SPAG16: variants seen among roughly 807,000 people sequenced by gnomAD.
SPAG16 encodes the protein sperm-associated antigen 16 protein.
In SPAG16, 86 loss-of-function variants were observed where a neutral mutation model predicts 80.4. The ratio of observed to expected loss-of-function variants is 1.07; its 90% CI spans 0.90 to 1.28. The LOEUF is 1.28. Ranked by LOEUF, SPAG16 falls within the 50% of genes most tolerant of loss-of-function variation. The pLI is 0.00. For missense variants in SPAG16, 870 were observed against 765.3 expected (o/e 1.14, Z -1.61); for synonymous variants, 294 against 265.9 (o/e 1.11, Z -1.03).
At chr2:214,034,519 C>T (rs921587076) in intron 13 of SPAG16, among the ~76,000 whole-genome samples, 2 of 152,200 alleles carry the variant, frequency 1.3e-5, no homozygotes, top group African/African-American at 2.4e-5. Context: ...GATTGCATGC[C>T]TGCCAAGGGC....
intron 3 of SPAG16, among the ~76,000 whole-genome samples, chr2:213,307,860 T>C (rs1175502074): frequency 6.6e-6 from 1 of 152,188 alleles, no homozygotes; most frequent in African/African-American, 2.4e-5. Flanking sequence ...GTTTCCTGAC[T>C]TTTTAATGAT....
At chr2:213,948,175 G>A (rs1026243459) in intron 12 of SPAG16, among the ~76,000 whole-genome samples, 4 of 152,012 alleles carry the variant, frequency 2.6e-5, no homozygotes, top group East Asian at 1.9e-4. Context: ...GGAGACTATC[G>A]TTTCCTAAGA....
chr2:213,444,602 A>T (rs1468228875), intron 9 of SPAG16, among the ~76,000 whole-genome samples: 3 of 152,192 alleles, frequency 2.0e-5, no homozygotes, highest in Non-Finnish European at 4.4e-5. Flanking sequence ...AACAATGTTG[A>T]TTCATCTAAT....
At chr2:213,860,685 G>T (rs1053976225) in intron 10 of SPAG16, among the ~76,000 whole-genome samples, 23 of 151,958 alleles carry the variant, frequency 1.5e-4, no homozygotes, top group African/African-American at 5.6e-4. Flanking sequence ...TTAGCTATCA[G>T]TGGGTTTGTA....
chr2:213,874,301 A>G (rs958076104), intron 11 of SPAG16, among the ~76,000 whole-genome samples: 3 of 152,184 alleles, frequency 2.0e-5, no homozygotes, highest in Non-Finnish European at 4.4e-5. Context: ...TTACTTTATA[A>G]ACTATTTAAT....
chr2:214,010,872 G>A (rs960001786), intron 12 of SPAG16, among the ~76,000 whole-genome samples: 1 of 145,798 alleles, frequency 6.9e-6, no homozygotes, highest in Admixed American at 6.7e-5. Context: ...TCAGAGGTGA[G>A]TAAAAAGAAA....
intron 13 of SPAG16, among the ~76,000 whole-genome samples, chr2:214,031,014 T>A (rs919746310): frequency 6.6e-6 from 1 of 152,192 alleles, no homozygotes; most frequent in Non-Finnish European, 1.5e-5. Context: ...GTTCTCACTT[T>A]GCTATAAAGA....
intron 10 of SPAG16, among the ~76,000 whole-genome samples, chr2:213,740,311 A>G (rs1356021819): frequency 2.6e-5 from 4 of 152,196 alleles, no homozygotes; most frequent in African/African-American, 9.7e-5. Context: ...TCTGAGGTAG[A>G]CACTTCATTA....
intron 10 of SPAG16, among the ~76,000 whole-genome samples, chr2:213,858,436 AT>A (rs2075271727): frequency 6.6e-6 from 1 of 152,146 alleles, no homozygotes; most frequent in South Asian, 2.1e-4. Context: ...GATCAGCCCC[AT>A]TTTTTAGCAA....
chr2:213,735,155 C>T (rs150925910), intron 10 of SPAG16, among the ~76,000 whole-genome samples: 2 of 152,076 alleles, frequency 1.3e-5, no homozygotes, highest in Non-Finnish European at 2.9e-5. Flanking sequence ...AATGCATGCC[C>T]TATTTGATTA....
At chr2:213,980,234 C>CTA (rs1344581882) in intron 12 of SPAG16, among the ~76,000 whole-genome samples, 2 of 90,280 alleles carry the variant, frequency 2.2e-5, no homozygotes, top group African/African-American at 1.4e-4. Context: ...TATATATATT[C>CTA]TCTATATATA....
chr2:214,120,921 A>C (rs771193983), intron 14 of SPAG16, among the ~76,000 whole-genome samples: 2 of 151,858 alleles, frequency 1.3e-5, no homozygotes, highest in Non-Finnish European at 2.9e-5. Context: ...CTGATATCTC[A>C]TTAAAATATG....
intron 15 of SPAG16, among the ~76,000 whole-genome samples, chr2:214,249,749 CA>C (rs1445971981): frequency 6.7e-6 from 1 of 148,938 alleles, no homozygotes; most frequent in East Asian, 2.0e-4. Flanking sequence ...AAGTTTAGTT[CA>C]AAGATTTAAA....
chr2:213,525,712 A>T (rs186528254), intron 10 of SPAG16, among the ~76,000 whole-genome samples: 24 of 152,138 alleles, frequency 1.6e-4, no homozygotes, highest in Non-Finnish European at 2.9e-4. Flanking sequence ...TTTCTACATC[A>T]CTTCTTCTCC....
chr2:213,594,206 A>G (rs956349256), intron 10 of SPAG16, among the ~76,000 whole-genome samples: 3 of 152,194 alleles, frequency 2.0e-5, no homozygotes, highest in African/African-American at 4.8e-5. Flanking sequence ...CACAGATTTT[A>G]GGAGTCTTTT....
intron 12 of SPAG16, among the ~76,000 whole-genome samples, chr2:213,973,888 T>A (rs2045218196): frequency 6.6e-6 from 1 of 152,112 alleles, no homozygotes; most frequent in Admixed American, 6.6e-5. Flanking sequence ...CACAAAGTAC[T>A]GTAGGACGTA....
intron 15 of SPAG16, among the ~76,000 whole-genome samples, chr2:214,272,451 C>T (rs978160000): frequency 6.6e-6 from 1 of 152,124 alleles, no homozygotes; most frequent in Non-Finnish European, 1.5e-5. Context: ...CCCCTGCCCC[C>T]CAACCCACAA....
At chr2:214,122,120 A>G (rs773794188) in intron 14 of SPAG16, among the ~76,000 whole-genome samples, 3 of 151,778 alleles carry the variant, frequency 2.0e-5, no homozygotes, top group Admixed American at 1.3e-4. Context: ...TTAATTTTCT[A>G]TAACATAATA....
At chr2:214,038,384 T>G (rs2048821696) in intron 13 of SPAG16, among the ~76,000 whole-genome samples, 1 of 152,180 alleles carries the variant, frequency 6.6e-6, no homozygotes, top group Non-Finnish European at 1.5e-5. Flanking sequence ...TTATTTCTAC[T>G]TTGTCAGAAC....
Sources: allele counts gnomAD v4.1 joint callset (sites outside exome capture counted in the v4.1 genomes callset), GRCh38; gene constraint gnomAD v4.1.1; transcripts MANE v1.5; gene names NCBI Gene and HGNC (gene_info 2026-07-23, HGNC 2026-07-21).